CNTNAP4: variants seen among roughly 807,000 people sequenced by gnomAD.
CNTNAP4 encodes the protein contactin associated protein family member 4, also known as contactin-associated protein-like 4.
Under a neutral mutation model 148.4 loss-of-function variants are expected in CNTNAP4, and 98 were observed. That is an observed-to-expected ratio of 0.66 (90% CI 0.56 to 0.78). The LOEUF (loss-of-function observed/expected upper bound fraction) is 0.78. CNTNAP4 is among the 30% of genes least tolerant of loss of function. CNTNAP4 has a pLI of 0.00. For missense variants in CNTNAP4, 1,935 were observed against 1,565.6 expected, an observed-to-expected ratio of 1.24 and a Z score of -3.98; for synonymous variants, 730 against 565.1, an observed-to-expected ratio of 1.29 and a Z score of -4.14.
At chr16:76,316,130 AATCTTTT>A (rs1342823565) in intron 1 of CNTNAP4, 2 of 461,672 alleles carry the variant, frequency 4.3e-6, no homozygotes, top group Non-Finnish European at 7.6e-6. Flanking sequence ...TAAATTTGTG[AATCTTTT>A]ATAATGAGGT....
At position 76,333,824 on chromosome 16, in the gene CNTNAP4, T is replaced by TAA. The variant is rs200303579; in HGVS notation, c.196+17306_196+17307dup. Among the ~76,000 whole-genome samples the TAA allele has an allele frequency of 6.7e-3, 983 of 146,506 alleles. 13 individuals are homozygous for TAA. Among genetic ancestry groups the TAA allele is most frequent in the African/African-American group, 0.019 (748 of 39,030 alleles). Reference sequence around the variant, plus strand: ...TTTTTTGGTGACTTTTCTAGTACTTTAAAAAAGCCTATTCTTCCACAATGG... The same window carrying TAA: ...TTTTTTGGTGACTTTTCTAGTACTTTAAAAAAAAGCCTATTCTTCCACAATGG... On this transcript the variant is annotated intron_variant, in intron 2 of 23. Transcript: ENST00000611870.
chr16:76,395,890 G>A (rs942765260), intron 3 of CNTNAP4, among the ~76,000 whole-genome samples: 4 of 151,806 alleles, frequency 2.6e-5, no homozygotes, highest in Non-Finnish European at 5.9e-5. Flanking sequence ...CACAATGGCC[G>A]GTTAATTTTT....
intron 1 of CNTNAP4, among the ~76,000 whole-genome samples, chr16:76,285,774 A>G (rs901969481): frequency 6.6e-6 from 1 of 151,946 alleles, no homozygotes; most frequent in African/African-American, 2.4e-5. Context: ...TATTTTTTTC[A>G]ATGTCCTTTG....
chr16:76,292,103 G>C (rs996235547), intron 1 of CNTNAP4, among the ~76,000 whole-genome samples: 3 of 151,960 alleles, frequency 2.0e-5, no homozygotes, highest in Non-Finnish European at 4.4e-5. Context: ...GTAGTATATG[G>C]CTCCCTTAAG....
chr16:76,346,143 C>T (rs1024743562), intron 2 of CNTNAP4, among the ~76,000 whole-genome samples: 5 of 151,954 alleles, frequency 3.3e-5, no homozygotes, highest in Non-Finnish European at 7.4e-5. Context: ...ATACTTAAGC[C>T]CAGAGGTAAA....
intron 15 of CNTNAP4, among the ~76,000 whole-genome samples, chr16:76,509,214 A>C (rs1296313143): frequency 2.1e-5 from 2 of 96,984 alleles, no homozygotes; most frequent in Admixed American, 1.0e-4. Context: ...CACTTTTGAC[A>C]TGTGGGCTGG....
At chr16:76,350,957 T>C (rs1042300553) in intron 2 of CNTNAP4, among the ~76,000 whole-genome samples, 1 of 152,100 alleles carries the variant, frequency 6.6e-6, no homozygotes, top group African/African-American at 2.4e-5. Context: ...ACCTGCAGTA[T>C]GGGGACAAAT....
intron 15 of CNTNAP4, among the ~76,000 whole-genome samples, chr16:76,511,387 A>G (rs1238947011): frequency 6.6e-6 from 1 of 152,172 alleles, no homozygotes; most frequent in Non-Finnish European, 1.5e-5. Flanking sequence ...GCATTAAATA[A>G]TCAAAGGTGC....
At position 76,355,649 on chromosome 16, in the gene CNTNAP4, T is replaced by C. The variant is rs1320370894; in HGVS notation, c.390+138T>C. 2.0e-5 allele frequency: 11 copies of C among 545,284 alleles called. No homozygotes were observed. The East Asian group carries it at 3.0e-4, about 15-fold the overall frequency. The allele number at this position is 545,284 out of a possible 1,614,324, so 33.8% of individuals were successfully genotyped here. ...TGAAAACATTTTCCAAGAGAAAATA[T>C]GGTAAATAATCATTTTCCAATACAT... On this transcript the variant is annotated intron_variant, in intron 3 of 23. Transcript: ENST00000611870.
intron 8 of CNTNAP4, among the ~76,000 whole-genome samples, chr16:76,456,007 A>C (rs940207667): frequency 1.3e-5 from 2 of 152,206 alleles, no homozygotes; most frequent in Admixed American, 1.3e-4. Context: ...CAAAGAGAGC[A>C]ACAGAAAGGG....
chr16:76,490,454 G>A (rs898032527), intron 13 of CNTNAP4, among the ~76,000 whole-genome samples: 3 of 152,182 alleles, frequency 2.0e-5, no homozygotes, highest in Admixed American at 2.0e-4. Flanking sequence ...TCTGGTTTTG[G>A]TCTTTCTTTA....
Position 76,540,763 on chromosome 16 carries a change from A to C in CNTNAP4, c.3415A>C (p.Lys1139Gln), listed in dbSNP as rs1485517400. The C allele has an allele frequency of 6.3e-7, 1 of 1,575,130 alleles. No individual in the cohort carries two copies. The highest frequency in any genetic ancestry group is 2.3e-5 in the East Asian group (1 of 43,434). ...LSSGTEFSAV[K>Q]SLVLGRILEH... ...ATCAGGCACAGAATTCAGTGCAGTCAAATCTCTGGTATTGGGCAGGATTTT... is the reference window on the plus strand; with the variant it reads ...ATCAGGCACAGAATTCAGTGCAGTCCAATCTCTGGTATTGGGCAGGATTTT... Residue 1139 changes from lysine to glutamine, a missense_variant, in exon 21 of 24, where the codon AAA becomes CAA. By Grantham distance (53) the Lys-to-Gln change is moderately conservative (BLOSUM62 1). Transcript: ENST00000611870.
intron 2 of CNTNAP4, among the ~76,000 whole-genome samples, chr16:76,331,372 T>C (rs1316671043): frequency 6.6e-6 from 1 of 151,922 alleles, no homozygotes. Context: ...TATTTTTTAG[T>C]AGAGGCAGGG....
chr16:76,540,923 A>G (rs1461683378), intron 21 of CNTNAP4, 133 bp downstream of exon 21: 18 of 594,378 alleles, frequency 3.0e-5, no homozygotes, highest in South Asian at 5.7e-5. Context: ...TTATGAAGTG[A>G]GTGATAATCA....
chr16:76,357,046 A>G (rs2012754227), intron 3 of CNTNAP4, among the ~76,000 whole-genome samples: 1 of 147,188 alleles, frequency 6.8e-6, no homozygotes, highest in Non-Finnish European at 1.5e-5. Flanking sequence ...AACAAACAAA[A>G]CAACAAAACA....
chr16:76,370,884 AATTT>A (rs1211010035), intron 3 of CNTNAP4, among the ~76,000 whole-genome samples: 1 of 152,110 alleles, frequency 6.6e-6, no homozygotes, highest in Non-Finnish European at 1.5e-5. Context: ...TTTCCCCCTA[AATTT>A]ATGTTAACTA....
rs1407176475 is a variant in CNTNAP4, at chr16:76,505,411, G to A, written c.2365+6717G>A. On this transcript the variant is annotated intron_variant, in intron 15 of 23. Coordinates refer to ENST00000611870, the MANE Select transcript of CNTNAP4 (RefSeq NM_033401.5). Reference sequence around the variant, plus strand: ...ATGCTTTGAATGATTCAATTTCTAAGATATTCTGGAAAAGTCAAAACCATA... The same window carrying A: ...ATGCTTTGAATGATTCAATTTCTAAAATATTCTGGAAAAGTCAAAACCATA... 2.0e-5 allele frequency among the ~76,000 whole-genome samples: 2 copies of A among 97,734 alleles called. 1 individual carries two copies. 64.1% of individuals were successfully genotyped at this position (97,734 alleles called of 152,430 possible).
intron 3 of CNTNAP4, among the ~76,000 whole-genome samples, chr16:76,396,608 G>T (rs1432781202): frequency 6.6e-6 from 1 of 152,186 alleles, no homozygotes; most frequent in East Asian, 1.9e-4. Context: ...ACCTTGTGTG[G>T]TGCTGGTGTC....
chr16:76,305,892 T>C (rs1395412285), intron 1 of CNTNAP4, among the ~76,000 whole-genome samples: 2 of 152,202 alleles, frequency 1.3e-5, no homozygotes, highest in Admixed American at 6.6e-5. Context: ...CTCTCACTTA[T>C]AAGTGAGAAT....
Sources: allele counts gnomAD v4.1 joint callset (sites outside exome capture counted in the v4.1 genomes callset), GRCh38; gene constraint gnomAD v4.1.1; transcripts MANE v1.5; gene names NCBI Gene and HGNC (gene_info 2026-07-23, HGNC 2026-07-21).